NOL4L: variants seen among roughly 807,000 people sequenced by gnomAD.
NOL4L encodes the protein nucleolar protein 4-like.
Under a neutral mutation model 64.5 loss-of-function variants are expected in NOL4L, and 7 were observed. The ratio of observed to expected loss-of-function variants is 0.11; its 90% CI spans 0.06 to 0.20. The LOEUF (loss-of-function observed/expected upper bound fraction) is 0.20. Ranked by LOEUF, NOL4L falls within the 10% of genes least tolerant of loss-of-function variation. The probability of loss-of-function intolerance (pLI) is 1.00; values close to 1 mark genes in which losing one functional copy is unlikely to be tolerated. For synonymous variants in NOL4L, 413 were observed against 401.0 expected (o/e 1.03, Z -0.36); for missense variants, 680 against 967.1 (o/e 0.70, Z 3.94).
intron 4 of NOL4L, among the ~76,000 whole-genome samples, chr20:32,488,570 C>A (rs1194292873): frequency 1.3e-5 from 2 of 152,212 alleles, no homozygotes; most frequent in Non-Finnish European, 2.9e-5. Context: ...TTTCACTGCA[C>A]ACTTGTCACT....
chr20:32,450,426 C>T (rs981675344), intron 10 of NOL4L: 6 of 152,308 alleles, frequency 3.9e-5, no homozygotes, highest in Non-Finnish European at 1.5e-5. Flanking sequence ...AGGTAAATGA[C>T]CAGATTTCTG....
chr20:32,565,460 G>A (rs1979368375), intron 1 of NOL4L, among the ~76,000 whole-genome samples: 1 of 152,196 alleles, frequency 6.6e-6, no homozygotes, highest in Non-Finnish European at 1.5e-5. Context: ...GGAGGTGCAT[G>A]CATGGGGCTG....
intron 5 of NOL4L, among the ~76,000 whole-genome samples, chr20:32,456,634 G>T (rs1026761967): frequency 6.6e-6 from 1 of 152,178 alleles, no homozygotes; most frequent in East Asian, 1.9e-4. Flanking sequence ...GCTGTGCAGG[G>T]CATGGAGGGT....
intron 4 of NOL4L, among the ~76,000 whole-genome samples, chr20:32,494,828 T>C (rs1164587366): frequency 1.3e-5 from 2 of 152,212 alleles, no homozygotes; most frequent in Non-Finnish European, 2.9e-5. Context: ...ACATTGCAAA[T>C]GGCACCAGCG....
At chr20:32,466,568 G>C (rs903954704) in intron 5 of NOL4L, among the ~76,000 whole-genome samples, 4 of 152,042 alleles carry the variant, frequency 2.6e-5, no homozygotes, top group Admixed American at 6.5e-5. Flanking sequence ...TCCTGGGGGA[G>C]GGGAGGCCAG....
At chr20:32,513,649 C>T (rs2093389450) in intron 3 of NOL4L, among the ~76,000 whole-genome samples, 1 of 152,002 alleles carries the variant, frequency 6.6e-6, no homozygotes, top group African/African-American at 2.4e-5. Context: ...GACTGCTTGA[C>T]CCCAGGAGTT....
chr20:32,536,585 G>A (rs1382135197), intron 1 of NOL4L, among the ~76,000 whole-genome samples: 1 of 148,180 alleles, frequency 6.7e-6, no homozygotes, highest in Non-Finnish European at 1.5e-5. Flanking sequence ...GGCTGGGTTC[G>A]GAGGGCCTGC....
At chr20:32,573,442 C>G (rs759440180) in intron 1 of NOL4L, among the ~76,000 whole-genome samples, 8 of 152,130 alleles carry the variant, frequency 5.3e-5, no homozygotes, top group African/African-American at 7.2e-5. Flanking sequence ...CAGAGACCCA[C>G]TCGGTGGCAC....
chr20:32,447,877 T>C (rs1393473290), intron 10 of NOL4L, 61 bp from the exon 11 acceptor site: 1 of 1,510,842 alleles, frequency 6.6e-7, no homozygotes, highest in African/African-American at 1.4e-5. Flanking sequence ...CTGGGAGGTG[T>C]ACCTTCCTTG....
chr20:32,577,205 C>T (rs927668093), intron 1 of NOL4L, among the ~76,000 whole-genome samples: 3 of 152,158 alleles, frequency 2.0e-5, no homozygotes, highest in South Asian at 4.1e-4. Context: ...GCAGTCATTA[C>T]GCCAGCCATT....
At chr20:32,521,706 GT>G (rs2017942883) in intron 2 of NOL4L, among the ~76,000 whole-genome samples, 1 of 152,226 alleles carries the variant, frequency 6.6e-6, no homozygotes, top group Non-Finnish European at 1.5e-5. Flanking sequence ...AGAAGTGGCT[GT>G]GGGCCTAGGT....
At chr20:32,493,684 C>T (rs293548) in intron 4 of NOL4L, among the ~76,000 whole-genome samples, 16,872 of 152,158 alleles carry the variant, frequency 0.11, 1,325 homozygotes, top group African/African-American at 0.22. Flanking sequence ...ACTACGAAAA[C>T]TAAGTAATAA....
intron 4 of NOL4L, among the ~76,000 whole-genome samples, chr20:32,477,873 TG>T (rs1369765665): frequency 1.3e-5 from 2 of 152,178 alleles, no homozygotes; most frequent in African/African-American, 4.8e-5. Flanking sequence ...ACACCTAACC[TG>T]GCATCAAAAT....
chr20:32,574,226 T>C (rs1220133035), intron 1 of NOL4L, among the ~76,000 whole-genome samples: 4 of 152,228 alleles, frequency 2.6e-5, no homozygotes, highest in African/African-American at 4.8e-5. Flanking sequence ...CAAGAGCCCC[T>C]GTTGCCCGGG....
intron 4 of NOL4L, among the ~76,000 whole-genome samples, chr20:32,501,599 T>C (rs2016923700): frequency 6.6e-6 from 1 of 152,170 alleles, no homozygotes; most frequent in African/African-American, 2.4e-5. Context: ...AAACTGTGTG[T>C]CGAGGAGTGG....
At chr20:32,559,665 G>A (rs991544679) in intron 1 of NOL4L, among the ~76,000 whole-genome samples, 8 of 152,178 alleles carry the variant, frequency 5.3e-5, no homozygotes, top group Non-Finnish European at 7.4e-5. Flanking sequence ...GCCCCCAGGC[G>A]CCAGGACTGG....
chr20:32,499,281 T>G (rs1211197827), intron 4 of NOL4L, among the ~76,000 whole-genome samples: 1 of 152,194 alleles, frequency 6.6e-6, no homozygotes, highest in Non-Finnish European at 1.5e-5. Flanking sequence ...ATCCTGACAC[T>G]GGGCTCATGG....
intron 1 of NOL4L, among the ~76,000 whole-genome samples, chr20:32,541,121 C>T (rs1363253281): frequency 6.6e-6 from 1 of 152,138 alleles, no homozygotes; most frequent in Non-Finnish European, 1.5e-5. Flanking sequence ...CCTACTTACA[C>T]TTCTGTGAAA....
intron 2 of NOL4L, among the ~76,000 whole-genome samples, chr20:32,521,670 A>C (rs778403588): frequency 6.6e-6 from 1 of 152,114 alleles, no homozygotes; most frequent in Non-Finnish European, 1.5e-5. Flanking sequence ...GGAACATGAA[A>C]AAAGGGCTGG....
Sources: allele counts gnomAD v4.1 joint callset (sites outside exome capture counted in the v4.1 genomes callset), GRCh38; gene constraint gnomAD v4.1.1; transcripts MANE v1.5; gene names NCBI Gene and HGNC (gene_info 2026-07-23, HGNC 2026-07-21).